FBLN5: variants seen among roughly 807,000 people sequenced by gnomAD.
The protein encoded by FBLN5 is fibulin-5.
A neutral mutation model predicts 61.6 loss-of-function variants in FBLN5; 24 were observed. That is an observed-to-expected ratio of 0.39 (90% CI 0.28 to 0.55). The LOEUF (loss-of-function observed/expected upper bound fraction) is 0.55, where lower values mean the gene tolerates loss of function less well. FBLN5 is among the 20% of genes least tolerant of loss of function. FBLN5 has a pLI of 0.65. For missense variants in FBLN5, 470 were observed against 594.1 expected (o/e 0.79, Z 2.17); for synonymous variants, 213 against 219.8 (o/e 0.97, Z 0.27).
intron 10 of FBLN5, among the ~76,000 whole-genome samples, chr14:91,872,341 C>T (rs1888978420): frequency 6.6e-6 from 1 of 152,102 alleles, no homozygotes; most frequent in East Asian, 1.9e-4. Flanking sequence ...TGCTCGCGGT[C>T]AGTGCAAGGG....
chr14:91,936,298 G>A (rs1248436320), intron 4 of FBLN5, among the ~76,000 whole-genome samples: 7 of 152,180 alleles, frequency 4.6e-5, no homozygotes, highest in East Asian at 1.9e-4. Context: ...AGGCTGGAAC[G>A]CAGTGACTAT....
rs1479342193 is a variant in FBLN5, at chr14:91,937,221, C to T, written c.125-20G>A. On this transcript the variant is annotated intron_variant, in intron 3 of 10. Coordinates refer to ENST00000342058, the MANE Select transcript of FBLN5 (RefSeq NM_006329.4). ...CAATATCTGAAAGGCACAGAAAGGG[C>T]GAGCATTAGTGGCACCCCAACTGCC... 2.5e-6 allele frequency: 4 copies of T among 1,613,850 alleles called. No homozygotes were observed. Among genetic ancestry groups the T allele is most frequent in the Non-Finnish European group, 2.5e-6 (3 of 1,179,982 alleles).
intron 4 of FBLN5, among the ~76,000 whole-genome samples, chr14:91,914,535 C>T (rs943517004): frequency 5.4e-5 from 8 of 148,374 alleles, no homozygotes; most frequent in African/African-American, 1.7e-4. Flanking sequence ...TAGTACATAC[C>T]TGTGGTCCCA....
At chr14:91,875,005 T>C (rs1273129789) in intron 10 of FBLN5, among the ~76,000 whole-genome samples, 2 of 152,046 alleles carry the variant, frequency 1.3e-5, no homozygotes, top group African/African-American at 4.8e-5. Context: ...TTTTTAATCT[T>C]TTTTTGTAGA....
intron 4 of FBLN5, among the ~76,000 whole-genome samples, chr14:91,927,232 C>T (rs551722445): frequency 1.7e-4 from 26 of 152,314 alleles, no homozygotes; most frequent in African/African-American, 6.3e-4. Context: ...AAATGAATGC[C>T]TTGCATTCAT....
At chr14:91,929,123 C>T (rs951249199) in intron 4 of FBLN5, among the ~76,000 whole-genome samples, 2 of 150,940 alleles carry the variant, frequency 1.3e-5, no homozygotes, top group Non-Finnish European at 2.9e-5. Flanking sequence ...ACCCCACACA[C>T]ACACATGATA....
intron 10 of FBLN5, among the ~76,000 whole-genome samples, chr14:91,875,488 C>T (rs1889123745): frequency 6.6e-6 from 1 of 152,206 alleles, no homozygotes; most frequent in Non-Finnish European, 1.5e-5. Context: ...ACAGGCCCTA[C>T]TGCCCATATC....
Position 91,870,431 on chromosome 14 carries a change from T to C in FBLN5, c.1186-46A>G, listed in dbSNP as rs929608. 0.48 allele frequency: 768,891 copies of C among 1,605,466 alleles called. 187,602 individuals carry two copies. Among genetic ancestry groups the C allele is most frequent in the East Asian group, 0.64 (28,625 of 44,812 alleles). ...CACCAGTGAGAAAAGGCCTGCATGG[T>C]GGCCCTGCAGCCCCACCTGGGCGCT... On this transcript the variant is annotated intron_variant, in intron 10 of 10. Coordinates refer to ENST00000342058, the MANE Select transcript of FBLN5 (RefSeq NM_006329.4).
At chr14:91,886,709 T>G (rs1889741910) in intron 7 of FBLN5, among the ~76,000 whole-genome samples, 1 of 152,228 alleles carries the variant, frequency 6.6e-6, no homozygotes, top group African/African-American at 2.4e-5. Context: ...CACTGATTAT[T>G]TGTAGAGATT....
chr14:91,941,422 C>G (rs13379480), intron 2 of FBLN5, among the ~76,000 whole-genome samples: 15,649 of 152,146 alleles, frequency 0.1, 1,081 homozygotes, highest in African/African-American at 0.2. Flanking sequence ...GTTGGGTGGA[C>G]TCTTCAGGAA....
At chr14:91,902,227 G>A (rs1890481211) in intron 4 of FBLN5, among the ~76,000 whole-genome samples, 1 of 151,974 alleles carries the variant, frequency 6.6e-6, no homozygotes, top group Non-Finnish European at 1.5e-5. Context: ...GAGAGGAAGG[G>A]GACAAGTCAT....
At chr14:91,910,813 G>A (rs1890889062) in intron 4 of FBLN5, among the ~76,000 whole-genome samples, 1 of 152,078 alleles carries the variant, frequency 6.6e-6, no homozygotes, top group Admixed American at 6.6e-5. Context: ...AAAGATGAAG[G>A]TAGAGAAGGG....
intron 4 of FBLN5, among the ~76,000 whole-genome samples, chr14:91,913,432 GT>G (rs1233170563): frequency 6.6e-6 from 1 of 152,228 alleles, no homozygotes; most frequent in Non-Finnish European, 1.5e-5. Flanking sequence ...AATCTATTAT[GT>G]ATGAGACTGG....
At chr14:91,898,005 G>T (rs2244017) in intron 4 of FBLN5, among the ~76,000 whole-genome samples, 27,435 of 152,080 alleles carry the variant, frequency 0.18, 2,642 homozygotes, top group Admixed American at 0.24. Context: ...AGCCAAGACT[G>T]CACCACTGAC....
chr14:91,905,824 C>T (rs1051380415), intron 4 of FBLN5, among the ~76,000 whole-genome samples: 8 of 151,848 alleles, frequency 5.3e-5, no homozygotes, highest in African/African-American at 9.7e-5. Flanking sequence ...GTGATCTGCC[C>T]GCCTCGACCT....
At chr14:91,922,314 GTAAATAAATAAATAAATAAATAAA>G (rs3031542) in intron 4 of FBLN5, among the ~76,000 whole-genome samples, 3 of 143,514 alleles carry the variant, frequency 2.1e-5, no homozygotes, top group East Asian at 4.0e-4. Flanking sequence ...TAATAATAAA[GTAAATAAATAAATAAATAAATAAA>G]TAAATAAATA....
At chr14:91,877,359 C>A in intron 10 of FBLN5, 128 bp downstream of exon 10, 2 of 794,124 alleles carry the variant, frequency 2.5e-6, no homozygotes, top group Non-Finnish European at 4.4e-6. Flanking sequence ...GAACCACACC[C>A]TCCACTCTTC....
At chr14:91,917,596 A>G (rs1435163714) in intron 4 of FBLN5, among the ~76,000 whole-genome samples, 8 of 151,266 alleles carry the variant, frequency 5.3e-5, no homozygotes, top group African/African-American at 9.7e-5. Flanking sequence ...AAAAAAAAAA[A>G]AAAAGAAAGA....
chr14:91,869,658 C>T lies in FBLN5; in HGVS notation c.*566G>A, dbSNP rs1360611894. Reference sequence around the variant, plus strand: ...AACCGTTATACAAATTTAAGGACAACTGAAACTTCTTTTATGGTTGAAAAT... The same window carrying T: ...AACCGTTATACAAATTTAAGGACAATTGAAACTTCTTTTATGGTTGAAAAT... On this transcript the variant is annotated 3_prime_UTR_variant, in exon 11 of 11. Transcript: ENST00000342058. 1 of 160,124 alleles carries T rather than the reference C, an allele frequency of 6.2e-6. No individual in the cohort carries two copies. The highest frequency in any genetic ancestry group is 1.4e-5 in the Non-Finnish European group (1 of 72,384). 9.9% of individuals were successfully genotyped at this position (160,124 alleles called of 1,614,324 possible).
Sources: gnomAD v4.1 joint callset for allele counts (sites outside exome capture counted in the v4.1 genomes callset) on GRCh38, gnomAD v4.1.1 for gene constraint, MANE v1.5 for transcripts, NCBI Gene and HGNC (gene_info 2026-07-23, HGNC 2026-07-21) for gene names.